Variants in DIS3L2 observed in about 807,000 individuals in gnomAD.
DIS3L2 encodes the protein DIS3 like 3'-5' exoribonuclease 2.
In DIS3L2, 34 loss-of-function variants were observed where a neutral mutation model predicts 97.5. The observed-to-expected ratio is 0.35, with a 90% CI of 0.27 to 0.46. The LOEUF is 0.46. DIS3L2 is among the 20% of genes least tolerant of loss of function. The probability of loss-of-function intolerance (pLI) is 1.00; values close to 1 mark genes in which losing one functional copy is unlikely to be tolerated. For synonymous variants in DIS3L2, 435 were observed against 445.2 expected, an observed-to-expected ratio of 0.98 and a Z score of 0.29; for missense variants, 1,038 against 1,146.0, an observed-to-expected ratio of 0.91 and a Z score of 1.36.
chr2:232,288,373 A>T (rs1694502403), intron 13 of DIS3L2, among the ~76,000 whole-genome samples: 1 of 152,234 alleles, frequency 6.6e-6, no homozygotes, highest in Non-Finnish European at 1.5e-5. Flanking sequence ...CTTCTAACTG[A>T]TATAGCAGGG....
chr2:232,130,787 G>C (rs750982979), intron 7 of DIS3L2, 68 bp downstream of exon 7: 41 of 1,585,594 alleles, frequency 2.6e-5, no homozygotes, highest in South Asian at 8.1e-5. Flanking sequence ...TGAAGATCTC[G>C]TGTGATTCAG....
chr2:232,334,247 G>A (rs1430887871), intron 17 of DIS3L2, 122 bp from the exon 18 acceptor site: 2 of 1,327,552 alleles, frequency 1.5e-6, no homozygotes, highest in East Asian at 5.0e-5. Flanking sequence ...GCTGCCCTGG[G>A]AGCTGGGTGC....
chr2:232,224,281 C>A (rs1266130453), intron 10 of DIS3L2, among the ~76,000 whole-genome samples: 1 of 152,168 alleles, frequency 6.6e-6, no homozygotes, highest in Non-Finnish European at 1.5e-5. Context: ...TGGTACTAGA[C>A]TGGTTGGATA....
chr2:232,274,887 C>T (rs1232993763), intron 13 of DIS3L2, among the ~76,000 whole-genome samples: 4 of 152,190 alleles, frequency 2.6e-5, no homozygotes, highest in African/African-American at 9.7e-5. Flanking sequence ...CTTGGTTGAA[C>T]TTGGTGGAAA....
chr2:232,274,083 T>A (rs75877458), intron 13 of DIS3L2, among the ~76,000 whole-genome samples: 2,412 of 152,248 alleles, frequency 0.016, 31 homozygotes, highest in Non-Finnish European at 0.025. Flanking sequence ...CCCAGATGAC[T>A]CAAACCTAAG....
chr2:232,242,869 C>A (rs1222410454), intron 11 of DIS3L2, among the ~76,000 whole-genome samples: 1 of 152,228 alleles, frequency 6.6e-6, no homozygotes, highest in East Asian at 1.9e-4. Flanking sequence ...CTTCAAGCCC[C>A]GTTTCCTTTT....
chr2:232,205,211 C>CATATATATATATATATAT (rs57163508), intron 9 of DIS3L2, among the ~76,000 whole-genome samples: 6 of 140,598 alleles, frequency 4.3e-5, no homozygotes, highest in African/African-American at 1.6e-4. Context: ...AGGCAGTTTA[C>CATATATATATATATATAT]ATATATATAT....
chr2:232,261,434 C>T (rs1029826724), intron 12 of DIS3L2, among the ~76,000 whole-genome samples: 4 of 152,182 alleles, frequency 2.6e-5, no homozygotes, highest in African/African-American at 9.7e-5. Context: ...GCATTGCCTC[C>T]GCTTCCGATG....
intron 7 of DIS3L2, among the ~76,000 whole-genome samples, chr2:232,135,269 A>G: frequency 6.6e-6 from 1 of 152,272 alleles, no homozygotes; most frequent in East Asian, 1.9e-4. Flanking sequence ...TGATAATAAT[A>G]AGATGGGGAC....
At chr2:232,208,147 T>C (rs1692082223) in intron 9 of DIS3L2, among the ~76,000 whole-genome samples, 1 of 152,236 alleles carries the variant, frequency 6.6e-6, no homozygotes, top group Non-Finnish European at 1.5e-5. Context: ...TTTTAAGACA[T>C]GCATAGATTT....
intron 1 of DIS3L2, among the ~76,000 whole-genome samples, chr2:231,993,326 G>A (rs1296522463): frequency 6.6e-6 from 1 of 152,004 alleles, no homozygotes; most frequent in Non-Finnish European, 1.5e-5. Flanking sequence ...CAAGTCTCCT[G>A]CCTCAGCCTC....
intron 11 of DIS3L2, among the ~76,000 whole-genome samples, chr2:232,241,091 G>A (rs1471080887): frequency 3.3e-5 from 5 of 152,282 alleles, no homozygotes; most frequent in Admixed American, 2.6e-4. Flanking sequence ...AAGTGGCGCC[G>A]GCCCGCAACC....
At chr2:232,140,351 G>A (rs1698474546) in intron 8 of DIS3L2, among the ~76,000 whole-genome samples, 2 of 152,136 alleles carry the variant, frequency 1.3e-5, no homozygotes, top group Admixed American at 1.3e-4. Context: ...ACTCCTTTAG[G>A]ACAAGGACAC....
At chr2:232,128,688 C>T (rs1163522492) in intron 6 of DIS3L2, among the ~76,000 whole-genome samples, 1 of 151,990 alleles carries the variant, frequency 6.6e-6, no homozygotes, top group Non-Finnish European at 1.5e-5. Flanking sequence ...CTCCAAAGCT[C>T]TAGTGATCCT....
chr2:232,018,775 A>G (rs1055334067), intron 3 of DIS3L2, among the ~76,000 whole-genome samples: 6 of 152,032 alleles, frequency 3.9e-5, no homozygotes, highest in African/African-American at 1.5e-4. Flanking sequence ...TCGACATTTC[A>G]TTAGTATTTT....
chr2:232,286,328 T>C (rs953121474), intron 13 of DIS3L2, among the ~76,000 whole-genome samples: 4 of 152,140 alleles, frequency 2.6e-5, no homozygotes, highest in Admixed American at 6.5e-5. Flanking sequence ...GAGAGCAGTG[T>C]AGTGGTAGTG....
intron 9 of DIS3L2, among the ~76,000 whole-genome samples, chr2:232,169,473 G>A (rs1246470782): frequency 1.3e-5 from 2 of 152,188 alleles, no homozygotes; most frequent in African/African-American, 4.8e-5. Flanking sequence ...ACAATGGCAA[G>A]TGCTGTAATA....
At chr2:232,225,663 TTTGTAAAACTTCA>T (rs2106237646) in intron 10 of DIS3L2, among the ~76,000 whole-genome samples, 1 of 152,352 alleles carries the variant, frequency 6.6e-6, no homozygotes, top group African/African-American at 2.4e-5. Flanking sequence ...GTATATTTAC[TTTGTAAAACTTCA>T]TTGAACTGTA....
intron 12 of DIS3L2, among the ~76,000 whole-genome samples, chr2:232,251,928 C>T (rs1362783095): frequency 6.6e-6 from 1 of 152,162 alleles, no homozygotes; most frequent in African/African-American, 2.4e-5. Context: ...AGAAGATGTG[C>T]TTCACCAAAA....
Sources: gnomAD v4.1 joint callset for allele counts (sites outside exome capture counted in the v4.1 genomes callset) on GRCh38, gnomAD v4.1.1 for gene constraint, MANE v1.5 for transcripts, NCBI Gene and HGNC (gene_info 2026-07-23, HGNC 2026-07-21) for gene names.